Variants in STXBP6 observed in about 807,000 individuals in gnomAD.
The protein encoded by STXBP6 is syntaxin-binding protein 6.
In STXBP6, 21 loss-of-function variants were observed where a neutral mutation model predicts 26.9. The ratio of observed to expected loss-of-function variants is 0.78; its 90% CI spans 0.55 to 1.12. The LOEUF (loss-of-function observed/expected upper bound fraction) is 1.12, where lower values mean the gene tolerates loss of function less well. Ranked by LOEUF, STXBP6 falls within the 50% of genes most tolerant of loss-of-function variation. The pLI, the probability that STXBP6 is intolerant of heterozygous loss-of-function variation, is 0.00. For missense variants in STXBP6, 232 were observed against 257.9 expected (o/e 0.90, Z 0.69); for synonymous variants, 97 against 92.6 (o/e 1.05, Z -0.27).
chr14:24,833,014 T>C (rs2068502378), intron 4 of STXBP6, among the ~76,000 whole-genome samples: 1 of 152,238 alleles, frequency 6.6e-6, no homozygotes, highest in African/African-American at 2.4e-5. Context: ...AAAATTACAC[T>C]GTGTGATAGA....
At chr14:24,856,433 T>C (rs975931947) in intron 3 of STXBP6, among the ~76,000 whole-genome samples, 5 of 152,148 alleles carry the variant, frequency 3.3e-5, no homozygotes, top group Non-Finnish European at 7.4e-5. Context: ...ACGACCTATA[T>C]TAATCTGGCC....
intron 2 of STXBP6, among the ~76,000 whole-genome samples, chr14:24,861,060 CA>C (rs764537704): frequency 1.3e-5 from 2 of 151,912 alleles, no homozygotes; most frequent in Non-Finnish European, 2.9e-5. Flanking sequence ...AGAAAGAGGG[CA>C]AAAGGAAAAC....
intron 2 of STXBP6, among the ~76,000 whole-genome samples, chr14:24,898,729 T>A (rs931553703): frequency 1.3e-5 from 2 of 152,118 alleles, no homozygotes; most frequent in African/African-American, 4.8e-5. Context: ...TAGGTTTGAG[T>A]GCTGTCAGCC....
At chr14:24,942,292 AT>A (rs1376460305) in intron 2 of STXBP6, among the ~76,000 whole-genome samples, 1 of 152,174 alleles carries the variant, frequency 6.6e-6, no homozygotes, top group African/African-American at 2.4e-5. Flanking sequence ...TCTGAGCCTC[AT>A]TTTTACCAGG....
intron 2 of STXBP6, among the ~76,000 whole-genome samples, chr14:24,866,039 G>A (rs759815355): frequency 3.3e-5 from 5 of 152,112 alleles, no homozygotes; most frequent in Middle Eastern, 3.2e-3. Context: ...GTATGTAGTC[G>A]AACATTATTC....
chr14:24,994,578 T>C (rs997918623), intron 1 of STXBP6, among the ~76,000 whole-genome samples: 2 of 152,236 alleles, frequency 1.3e-5, no homozygotes, highest in African/African-American at 4.8e-5. Flanking sequence ...TCTTTCCAGA[T>C]GTGTATCCAG....
chr14:25,018,512 C>A (rs986033215), intron 1 of STXBP6, among the ~76,000 whole-genome samples: 5 of 152,198 alleles, frequency 3.3e-5, no homozygotes, highest in Non-Finnish European at 5.9e-5. Flanking sequence ...TTTGGCATTG[C>A]CACCCAGGGT....
chr14:24,846,415 G>T (rs1028109551), intron 4 of STXBP6, among the ~76,000 whole-genome samples: 1 of 152,018 alleles, frequency 6.6e-6, no homozygotes, highest in Admixed American at 6.6e-5. Flanking sequence ...ATGCCTTTGA[G>T]ATCTCCATCT....
intron 2 of STXBP6, among the ~76,000 whole-genome samples, chr14:24,914,366 A>G (rs1957764): frequency 0.19 from 29,443 of 152,132 alleles, 3,010 homozygotes; most frequent in African/African-American, 0.26. Flanking sequence ...TCTTAACAGG[A>G]TAGTCAAATG....
intron 2 of STXBP6, among the ~76,000 whole-genome samples, chr14:24,897,427 A>AAAC (rs1555322755): frequency 1.1e-5 from 1 of 92,174 alleles, no homozygotes; most frequent in African/African-American, 3.5e-5. Context: ...AAAAAAAAAA[A>AAAC]GGAAAAAAAA....
chr14:24,841,198 C>T (rs904137071), intron 4 of STXBP6, among the ~76,000 whole-genome samples: 17 of 152,060 alleles, frequency 1.1e-4, no homozygotes, highest in African/African-American at 3.1e-4. Context: ...TTGTATTTCT[C>T]TTACATCTAT....
At chr14:24,869,048 G>A (rs559294709) in intron 2 of STXBP6, among the ~76,000 whole-genome samples, 15 of 152,296 alleles carry the variant, frequency 9.8e-5, no homozygotes, top group Non-Finnish European at 1.6e-4. Context: ...GTAAGACTAC[G>A]TCTTTGCATT....
rs1594889175 is a variant in STXBP6 at position 24,812,683 on chromosome 14, G to A, written c.*26C>T. On this transcript the variant is annotated 3_prime_UTR_variant, in exon 6 of 6. Coordinates refer to ENST00000323944, the MANE Select transcript of STXBP6 (RefSeq NM_001394410.1). The stretch of plus-strand genomic sequence containing the variant: ...GAACAAACTCTTCAGTTTCTCTTAA[G>A]AAGAGTCACCAGGATAGGCAGTTTC... 6.2e-7 allele frequency: 1 copy of A among 1,612,470 alleles called. No homozygotes were observed.
At chr14:25,007,599 C>T (rs1020797091) in intron 1 of STXBP6, among the ~76,000 whole-genome samples, 3 of 152,162 alleles carry the variant, frequency 2.0e-5, no homozygotes, top group Admixed American at 6.5e-5. Flanking sequence ...TCTCCCCCAC[C>T]GGAAGCTCTG....
intron 2 of STXBP6, among the ~76,000 whole-genome samples, chr14:24,974,426 A>G (rs2073987815): frequency 6.6e-6 from 1 of 152,224 alleles, no homozygotes; most frequent in South Asian, 2.1e-4. Context: ...GAAACATTTT[A>G]CGAAAGCTCT....
chr14:24,886,569 T>G (rs1254836350), intron 2 of STXBP6, among the ~76,000 whole-genome samples: 10 of 152,214 alleles, frequency 6.6e-5, no homozygotes, highest in African/African-American at 2.4e-4. Context: ...TGTTATTTTA[T>G]TCTGGAATTT....
intron 2 of STXBP6, among the ~76,000 whole-genome samples, chr14:24,972,221 T>C (rs752925132): frequency 1.5e-4 from 23 of 151,102 alleles, no homozygotes; most frequent in Admixed American, 7.2e-4. Flanking sequence ...TCCATTAGAA[T>C]GCAACAAAAA....
Position 24,811,537 on chromosome 14 carries a change from G to T in STXBP6, c.*1172C>A, listed in dbSNP as rs1594887467. On this transcript the variant is annotated 3_prime_UTR_variant, in exon 6 of 6. Coordinates refer to ENST00000323944, the MANE Select transcript of STXBP6 (RefSeq NM_001394410.1). ...ATTATCTTGAGTAATAGAAAATCAC[G>T]AGGTGTGTGACCAACTGTATTGAAA... is the stretch of plus-strand genomic sequence containing the variant. The T allele has an allele frequency of 6.6e-6, 1 of 152,088 alleles. No individual in the cohort carries two copies. The highest frequency in any genetic ancestry group is 2.4e-5 in the African/African-American group (1 of 41,414). 9.4% of individuals were successfully genotyped at this position (152,088 alleles called of 1,614,324 possible).
chr14:24,988,547 C>T (rs2074390080), intron 1 of STXBP6, among the ~76,000 whole-genome samples: 1 of 152,164 alleles, frequency 6.6e-6, no homozygotes. Context: ...TTAATTAAGT[C>T]TGCCTGCATG....
Sources: allele counts gnomAD v4.1 joint callset (sites outside exome capture counted in the v4.1 genomes callset), GRCh38; gene constraint gnomAD v4.1.1; transcripts MANE v1.5; gene names NCBI Gene and HGNC (gene_info 2026-07-23, HGNC 2026-07-21).